Variants in DNAH3 observed in about 807,000 individuals in gnomAD.
DNAH3 encodes dynein axonemal heavy chain 3, also known as axonemal beta dynein heavy chain 3.
In DNAH3, 332 loss-of-function variants were observed where a neutral mutation model predicts 432.5. The ratio of observed to expected loss-of-function variants is 0.77; its 90% CI spans 0.70 to 0.84. The LOEUF is 0.84. DNAH3 is among the 40% of genes least tolerant of loss of function. The probability of loss-of-function intolerance (pLI) is 0.00; values close to 1 mark genes in which losing one functional copy is unlikely to be tolerated. For synonymous variants in DNAH3, 1,956 were observed against 1,900.2 expected, an observed-to-expected ratio of 1.03 and a Z score of -0.76; for missense variants, 4,861 against 5,114.0, an observed-to-expected ratio of 0.95 and a Z score of 1.51.
At chr16:20,979,236 T>C (rs1037871471) in intron 50 of DNAH3, 94 bp downstream of exon 50, 1 of 1,112,316 alleles carries the variant, frequency 9.0e-7, no homozygotes. Flanking sequence ...CTGCTTGATC[T>C]GGTGTCCTCT....
chr16:21,028,172 T>C (rs2088668205), intron 37 of DNAH3, among the ~76,000 whole-genome samples: 1 of 152,052 alleles, frequency 6.6e-6, no homozygotes, highest in African/African-American at 2.4e-5. Flanking sequence ...TTTTTGTTTT[T>C]TGTTTTTAGA....
chr16:21,008,361 C>G (rs746660429), intron 41 of DNAH3, among the ~76,000 whole-genome samples: 1 of 152,124 alleles, frequency 6.6e-6, no homozygotes, highest in Non-Finnish European at 1.5e-5. Flanking sequence ...GGCTTTCTTT[C>G]CTATAGCCTT....
chr16:20,969,725 T>TG, intron 52 of DNAH3, 67 bp downstream of exon 52: 1 of 1,555,538 alleles, frequency 6.4e-7, no homozygotes, highest in Non-Finnish European at 8.9e-7. Context: ...GGGGATGCAG[T>TG]GGGTGCTGGC....
chr16:21,075,837 G>C (rs369713474), intron 20 of DNAH3, among the ~76,000 whole-genome samples: 3 of 149,944 alleles, frequency 2.0e-5, no homozygotes. Context: ...CTGAGCCTGG[G>C]AGGTAGAGGC....
chr16:21,059,429 G>T (rs2090262022), intron 26 of DNAH3, among the ~76,000 whole-genome samples: 1 of 152,204 alleles, frequency 6.6e-6, no homozygotes, highest in African/African-American at 2.4e-5. Context: ...TAGTGTGAGG[G>T]TGTTGAGTAT....
In DNAH3 at chr16:20,987,290, C is replaced by T. The variant is rs1282373846; in HGVS notation, c.7026+15G>A. On this transcript the variant is annotated intron_variant, in intron 47 of 61. Transcript: ENST00000261383. Reference sequence around the variant, plus strand: ...AACCATTTCTGAGGTCAAATGATCACAGAATCTGGTTTACCTTCTCTATGG... The same window carrying T: ...AACCATTTCTGAGGTCAAATGATCATAGAATCTGGTTTACCTTCTCTATGG... 2.5e-6 allele frequency: 4 copies of T among 1,612,414 alleles called. No homozygotes were observed. Among genetic ancestry groups the T allele is most frequent in the South Asian group, 1.1e-5 (1 of 90,478 alleles).
At chr16:20,963,937 G>C in exon 53 of DNAH3, 7 of 1,614,108 alleles carry the variant, frequency 4.3e-6, no homozygotes, top group Non-Finnish European at 5.9e-6. Flanking sequence ...CTGGTACATC[G>C]GCTCGATGTT....
intron 31 of DNAH3, among the ~76,000 whole-genome samples, chr16:21,048,896 G>T (rs1253001983): frequency 6.6e-6 from 1 of 151,940 alleles, no homozygotes; most frequent in Non-Finnish European, 1.5e-5. Flanking sequence ...GTTTCACCAT[G>T]TTGGCCAGGC....
At chr16:21,059,982 A>T (rs2090287097) in intron 26 of DNAH3, among the ~76,000 whole-genome samples, 1 of 152,088 alleles carries the variant, frequency 6.6e-6, no homozygotes, top group East Asian at 1.9e-4. Context: ...CTCTAAATAG[A>T]CTTCGTGCCA....
At chr16:20,958,519 TAATACCTCTCTTTGCTTTTCC>T (rs1376959401) in intron 54 of DNAH3, among the ~76,000 whole-genome samples, 2 of 152,132 alleles carry the variant, frequency 1.3e-5, no homozygotes, top group Non-Finnish European at 2.9e-5. Context: ...AGGATTTCCT[TAATACCTCTCTTTGCTTTTCC>T]AATACCTCTC....
intron 54 of DNAH3, among the ~76,000 whole-genome samples, chr16:20,956,225 G>A (rs1282252539): frequency 2.6e-5 from 4 of 152,156 alleles, no homozygotes; most frequent in South Asian, 4.1e-4. Context: ...CACTGCGCCC[G>A]GCCAGAGTTG....
chr16:20,945,349 TG>T (rs2083996768), intron 57 of DNAH3, among the ~76,000 whole-genome samples: 1 of 152,196 alleles, frequency 6.6e-6, no homozygotes, highest in African/African-American at 2.4e-5. Context: ...CCTCACTTCT[TG>T]GAATTGCCCA....
intron 19 of DNAH3, among the ~76,000 whole-genome samples, chr16:21,083,019 A>T (rs1183415967): frequency 2.1e-5 from 3 of 140,910 alleles, no homozygotes; most frequent in African/African-American, 5.3e-5. Context: ...TTCTTTTTCC[A>T]TACTTTTTTT....
At chr16:21,069,186 AC>A (rs1269573582) in intron 23 of DNAH3, among the ~76,000 whole-genome samples, 1 of 151,666 alleles carries the variant, frequency 6.6e-6, no homozygotes, top group African/African-American at 2.4e-5. Context: ...CTCAAGTGAT[AC>A]CCCCGCCTTG....
At chr16:20,985,757 C>G (rs1160803240) in intron 47 of DNAH3, 42 bp from the exon 48 acceptor site, 2 of 1,585,334 alleles carry the variant, frequency 1.3e-6, no homozygotes, top group Admixed American at 3.4e-5. Context: ...CAGTGAATGG[C>G]CCAGCCAGGC....
intron 11 of DNAH3, chr16:21,120,683 T>A (rs750477176): frequency 1.4e-6 from 2 of 1,392,522 alleles, no homozygotes; most frequent in Admixed American, 3.4e-5. Flanking sequence ...TCAAACCTGG[T>A]ACAAACCATG....
intron 5 of DNAH3, among the ~76,000 whole-genome samples, chr16:21,138,103 C>A (rs1199167388): frequency 6.6e-6 from 1 of 151,906 alleles, no homozygotes; most frequent in African/African-American, 2.4e-5. Context: ...CAAAAATCAG[C>A]CAGGTGGGGT....
In DNAH3 at chr16:20,987,992, A is replaced by G. The variant is rs199796093; in HGVS notation, c.6675T>C (p.Ser2225=). The G allele has an allele frequency of 1.2e-4, 198 of 1,614,160 alleles. 3 individuals are homozygous for G. In the East Asian group the frequency reaches 1.4e-3, roughly 11 times the overall value. Residue 2225 remains serine (S), a synonymous_variant, in exon 45 of 62, where the codon AGT becomes AGC. Coordinates refer to ENST00000261383, the Ensembl canonical transcript of DNAH3. ...TCCCGAAGTGCCAGTCAACAATCGA[A>G]CTGAAAATCTTGGTTAAAATGTCAT...
At chr16:21,000,179 T>C (rs2152690304) in intron 43 of DNAH3, 45 bp downstream of exon 43, 4 of 1,583,488 alleles carry the variant, frequency 2.5e-6, no homozygotes, top group South Asian at 1.2e-5. Flanking sequence ...CTGCAGCTTA[T>C]GGTGGAAGAA....
Sources: allele counts gnomAD v4.1 joint callset (sites outside exome capture counted in the v4.1 genomes callset), GRCh38; gene constraint gnomAD v4.1.1; transcripts MANE v1.5; gene names NCBI Gene and HGNC (gene_info 2026-07-23, HGNC 2026-07-21).